KLF7: variants seen among roughly 807,000 people sequenced by gnomAD.
KLF7 encodes Krueppel-like factor 7.
KLF7 carries 2 observed loss-of-function variants against 27.3 expected under a neutral mutation model. That is an observed-to-expected ratio of 0.07 (90% CI 0.03 to 0.23). KLF7 has a LOEUF of 0.23. Among genes scored for constraint, KLF7 ranks in the 10% least tolerant of loss-of-function variants. The probability of loss-of-function intolerance (pLI) is 1.00; values close to 1 mark genes in which losing one functional copy is unlikely to be tolerated. For missense variants in KLF7, 221 were observed against 394.1 expected (o/e 0.56, Z 3.72); for synonymous variants, 165 against 162.4 (o/e 1.02, Z -0.12).
At chr2:207,161,835 G>T (rs906472528) in intron 1 of KLF7, among the ~76,000 whole-genome samples, 1 of 152,188 alleles carries the variant, frequency 6.6e-6, no homozygotes, top group Non-Finnish European at 1.5e-5. Context: ...GAGGAGAGAA[G>T]AATGTTCTAT....
chr2:207,112,557 T>C (rs1004771422), intron 2 of KLF7, among the ~76,000 whole-genome samples: 1 of 152,244 alleles, frequency 6.6e-6, no homozygotes, highest in African/African-American at 2.4e-5. Context: ...TAACTATTTC[T>C]GTGCACAGTC....
intron 1 of KLF7, among the ~76,000 whole-genome samples, chr2:207,149,718 C>T (rs565244653): frequency 6.6e-6 from 1 of 152,298 alleles, no homozygotes; most frequent in South Asian, 2.1e-4. Context: ...TTGAAGAGTT[C>T]ACAGGGGCTT....
At chr2:207,130,249 T>TA (rs142690198) in intron 1 of KLF7, among the ~76,000 whole-genome samples, 2,968 of 152,274 alleles carry the variant, frequency 0.019, 84 homozygotes, top group African/African-American at 0.068. Context: ...AAGTTCAACA[T>TA]AAAGTCTATC....
chr2:207,118,112 C>T (rs542360261), intron 2 of KLF7, among the ~76,000 whole-genome samples: 1 of 152,322 alleles, frequency 6.6e-6, no homozygotes, highest in East Asian at 1.9e-4. Context: ...CAGGGACTTG[C>T]ATAGCCTGAA....
intron 2 of KLF7, among the ~76,000 whole-genome samples, chr2:207,111,341 T>C (rs573513194): frequency 6.2e-4 from 94 of 152,314 alleles, no homozygotes; most frequent in African/African-American, 2.1e-3. Context: ...GCTCTCCCAG[T>C]GCGCACAGGC....
chr2:207,160,637 GTCT>G (rs2078520074), intron 1 of KLF7, among the ~76,000 whole-genome samples: 1 of 152,198 alleles, frequency 6.6e-6, no homozygotes, highest in Admixed American at 6.5e-5. Context: ...AGATTGCAAT[GTCT>G]TCTTGTACTC....
rs114308373 is a variant in KLF7 at position 207,091,521 on chromosome 2, C to A, written c.734-2940G>T. Among the ~76,000 whole-genome samples the A allele has an allele frequency of 9.1e-3, 1,388 of 152,256 alleles. 22 individuals carry two copies. The highest frequency in any genetic ancestry group is 0.031 in the African/African-American group (1,282 of 41,548). On this transcript the variant is annotated intron_variant, in intron 2 of 3. Transcript: ENST00000309446. ...GTTACTATTATAGTGATTTATCAAG[C>A]TATTTTTCCACCATCTGGCTAGTTT...
intron 2 of KLF7, among the ~76,000 whole-genome samples, chr2:207,100,526 A>G (rs1479827232): frequency 6.6e-6 from 1 of 152,012 alleles, no homozygotes; most frequent in East Asian, 1.9e-4. Flanking sequence ...CATGTCACTT[A>G]TTTTTCTACC....
chr2:207,134,865 T>C (rs2077741579), intron 1 of KLF7, among the ~76,000 whole-genome samples: 2 of 152,174 alleles, frequency 1.3e-5, no homozygotes. Context: ...TAGTAGTACC[T>C]ACAACGCAGA....
At chr2:207,129,652 G>T (rs1210073034) in intron 1 of KLF7, among the ~76,000 whole-genome samples, 1 of 151,956 alleles carries the variant, frequency 6.6e-6, no homozygotes, top group African/African-American at 2.4e-5. Flanking sequence ...AATAATCCAA[G>T]ACCTAGTTAA....
chr2:207,169,369 G>C (rs1050398480), upstream of KLF7, among the ~76,000 whole-genome samples: 1 of 152,158 alleles, frequency 6.6e-6, no homozygotes, highest in African/African-American at 2.4e-5. Flanking sequence ...GTTTCCACCA[G>C]TAAAGTTTTG....
At chr2:207,144,617 T>C (rs1166107514) in intron 1 of KLF7, among the ~76,000 whole-genome samples, 1 of 152,148 alleles carries the variant, frequency 6.6e-6, no homozygotes, top group African/African-American at 2.4e-5. Context: ...GGCTCAGTCT[T>C]CCCCTTTCTT....
chr2:207,143,420 C>CA (rs548713514), intron 1 of KLF7, among the ~76,000 whole-genome samples: 355 of 136,756 alleles, frequency 2.6e-3, no homozygotes, highest in African/African-American at 5.7e-3. Flanking sequence ...CTCCATTTAC[C>CA]AAAAAAAAAA....
At chr2:207,125,483 A>G (rs2077454304) in intron 1 of KLF7, among the ~76,000 whole-genome samples, 1 of 152,186 alleles carries the variant, frequency 6.6e-6, no homozygotes, top group Non-Finnish European at 1.5e-5. Context: ...ACTAGTTCCA[A>G]ATTTACTGCC....
At chr2:207,134,175 T>TTA in intron 1 of KLF7, 3 of 1,360,598 alleles carry the variant, frequency 2.2e-6, no homozygotes, top group South Asian at 2.8e-5. Flanking sequence ...TTTTTTTTTT[T>TTA]AAAGCAAACT....
intron 1 of KLF7, 44 bp from the exon 2 acceptor site, chr2:207,124,448 C>T: frequency 6.6e-7 from 1 of 1,523,152 alleles, no homozygotes; most frequent in Non-Finnish European, 8.8e-7. Flanking sequence ...ATCAGAGGCA[C>T]AGAACACCAT....
At chr2:207,091,267 T>C (rs965050786) in intron 2 of KLF7, among the ~76,000 whole-genome samples, 3 of 152,228 alleles carry the variant, frequency 2.0e-5, no homozygotes, top group Non-Finnish European at 4.4e-5. Context: ...ATCAAGGATA[T>C]AGTTCTTTTC....
At chr2:207,147,444 T>C (rs1024806013) in intron 1 of KLF7, among the ~76,000 whole-genome samples, 1 of 152,350 alleles carries the variant, frequency 6.6e-6, no homozygotes, top group South Asian at 2.1e-4. Flanking sequence ...CAAGTGCTTA[T>C]ATATCCTTTT....
At chr2:207,141,819 T>C (rs1489224937) in intron 1 of KLF7, among the ~76,000 whole-genome samples, 2 of 152,120 alleles carry the variant, frequency 1.3e-5, no homozygotes, top group African/African-American at 2.4e-5. Context: ...ATCCAAATTA[T>C]GGTATAACTG....
Sources: allele counts gnomAD v4.1 joint callset (sites outside exome capture counted in the v4.1 genomes callset), GRCh38; gene constraint gnomAD v4.1.1; transcripts MANE v1.5; gene names NCBI Gene and HGNC (gene_info 2026-07-23, HGNC 2026-07-21).